Variants in AGBL1 observed in about 807,000 individuals in gnomAD.
AGBL1 encodes the protein cytosolic carboxypeptidase 4.
Under a neutral mutation model 118.9 loss-of-function variants are expected in AGBL1, and 130 were observed. The ratio of observed to expected loss-of-function variants is 1.09; its 90% CI spans 0.95 to 1.26. The LOEUF is 1.26. Ranked by LOEUF, AGBL1 falls within the 50% of genes most tolerant of loss-of-function variation. AGBL1 has a pLI of 0.00. For missense variants in AGBL1, 1,584 were observed against 1,298.1 expected, an observed-to-expected ratio of 1.22 and a Z score of -3.38; for synonymous variants, 555 against 478.9, an observed-to-expected ratio of 1.16 and a Z score of -2.08.
chr15:86,952,534 GTTTC>G (rs2141672641), intron 23 of AGBL1, among the ~76,000 whole-genome samples: 1 of 152,122 alleles, frequency 6.6e-6, no homozygotes, highest in East Asian at 1.9e-4. Context: ...AAATGAGGTT[GTTTC>G]TTTCTTGTTG....
intron 22 of AGBL1, among the ~76,000 whole-genome samples, chr15:86,817,133 CA>C (rs1002946925): frequency 6.6e-6 from 1 of 151,032 alleles, no homozygotes; most frequent in Non-Finnish European, 1.5e-5. Context: ...CTATAAAATA[CA>C]AAAAAAATTA....
chr15:86,648,627 G>T (rs768144160), intron 21 of AGBL1, among the ~76,000 whole-genome samples: 1 of 152,194 alleles, frequency 6.6e-6, no homozygotes, highest in East Asian at 1.9e-4. Flanking sequence ...CACCGGAAAG[G>T]TCTGGGCTGT....
At chr15:86,825,701 G>C (rs1262072581) in intron 22 of AGBL1, among the ~76,000 whole-genome samples, 1 of 132,300 alleles carries the variant, frequency 7.6e-6, no homozygotes, top group Admixed American at 7.7e-5. Context: ...GGGAGGGAGG[G>C]AGGGAGAAAG....
chr15:86,147,404 C>T (rs1254150016), intron 3 of AGBL1, among the ~76,000 whole-genome samples: 1 of 152,224 alleles, frequency 6.6e-6, no homozygotes, highest in Non-Finnish European at 1.5e-5. Flanking sequence ...GGGGCACTCT[C>T]ACTTAAATAC....
intron 23 of AGBL1, among the ~76,000 whole-genome samples, chr15:86,969,731 A>C (rs2081088850): frequency 6.6e-6 from 1 of 151,944 alleles, no homozygotes; most frequent in African/African-American, 2.4e-5. Context: ...TAGATTTCTG[A>C]ATATGTCATC....
At chr15:86,692,625 A>G (rs1054103775) in intron 22 of AGBL1, among the ~76,000 whole-genome samples, 1 of 151,994 alleles carries the variant, frequency 6.6e-6, no homozygotes, top group South Asian at 2.1e-4. Flanking sequence ...TTTTATTTCC[A>G]TTGATTTTGG....
At chr15:86,996,535 A>T (rs2141751950) in intron 24 of AGBL1, among the ~76,000 whole-genome samples, 1 of 152,290 alleles carries the variant, frequency 6.6e-6, no homozygotes, top group African/African-American at 2.4e-5. Flanking sequence ...CTGAGAGGTC[A>T]AAGCTGTAGT....
At chr15:86,283,983 T>C (rs1444174771) in intron 16 of AGBL1, among the ~76,000 whole-genome samples, 1 of 151,838 alleles carries the variant, frequency 6.6e-6, no homozygotes, top group African/African-American at 2.4e-5. Context: ...ATCTGTAAAA[T>C]TGGAAACAAA....
chr15:86,680,583 T>TG (rs2085936410), intron 22 of AGBL1, among the ~76,000 whole-genome samples: 1 of 146,816 alleles, frequency 6.8e-6, no homozygotes, highest in Non-Finnish European at 1.5e-5. Context: ...TTTTTTTTTT[T>TG]TTGAGATGGG....
chr15:86,567,200 T>G (rs2083929818), intron 21 of AGBL1, among the ~76,000 whole-genome samples: 1 of 152,218 alleles, frequency 6.6e-6, no homozygotes, highest in South Asian at 2.1e-4. Context: ...GGTCTAAGAT[T>G]AAGACTCTAA....
intron 22 of AGBL1, among the ~76,000 whole-genome samples, chr15:86,817,363 T>TA (rs2078874313): frequency 6.6e-6 from 1 of 151,226 alleles, no homozygotes; most frequent in Non-Finnish European, 1.5e-5. Flanking sequence ...CACATTTGTC[T>TA]ACACCAATGT....
intron 22 of AGBL1, among the ~76,000 whole-genome samples, chr15:86,865,789 T>C (rs568978604): frequency 1.3e-5 from 2 of 152,322 alleles, no homozygotes; most frequent in South Asian, 4.1e-4. Flanking sequence ...AGTCTATGTT[T>C]AGCCTATCTG....
intron 21 of AGBL1, among the ~76,000 whole-genome samples, chr15:86,610,865 T>C (rs2084645707): frequency 6.6e-6 from 1 of 152,278 alleles, no homozygotes; most frequent in African/African-American, 2.4e-5. Flanking sequence ...ATATTCACAC[T>C]GTCCTGTGCT....
chr15:86,744,164 C>T (rs560539073), intron 22 of AGBL1, among the ~76,000 whole-genome samples: 167 of 152,192 alleles, frequency 1.1e-3, no homozygotes, highest in Non-Finnish European at 2.2e-3. Flanking sequence ...CAATGACTAA[C>T]GGTTTCCTGC....
chr15:86,411,366 A>G (rs1381984812), intron 18 of AGBL1, among the ~76,000 whole-genome samples: 4 of 152,132 alleles, frequency 2.6e-5, no homozygotes, highest in Non-Finnish European at 5.9e-5. Flanking sequence ...TGCACCTCGA[A>G]GGCTGGCATT....
intron 6 of AGBL1, among the ~76,000 whole-genome samples, chr15:86,244,086 AATAT>A (rs529647160): frequency 4.0e-5 from 6 of 149,662 alleles, no homozygotes; most frequent in African/African-American, 1.5e-4. Flanking sequence ...TAAATAAATA[AATAT>A]ATATATAAGT....
intron 23 of AGBL1, among the ~76,000 whole-genome samples, chr15:86,937,449 A>C (rs984100178): frequency 6.6e-6 from 1 of 152,254 alleles, no homozygotes; most frequent in Non-Finnish European, 1.5e-5. Flanking sequence ...CATATACTCC[A>C]TGGAATACTA....
chr15:86,374,853 T>C (rs1010855570), intron 17 of AGBL1, among the ~76,000 whole-genome samples: 1 of 152,242 alleles, frequency 6.6e-6, no homozygotes, highest in Non-Finnish European at 1.5e-5. Flanking sequence ...CACTTAACTA[T>C]TCCCAGCCTC....
intron 22 of AGBL1, among the ~76,000 whole-genome samples, chr15:86,743,087 G>A (rs1045518956): frequency 2.6e-5 from 4 of 152,078 alleles, no homozygotes; most frequent in South Asian, 2.1e-4. Context: ...CCCAAGGAGC[G>A]TGGTCACAGC....
Sources: gnomAD v4.1 joint callset for allele counts (sites outside exome capture counted in the v4.1 genomes callset) on GRCh38, gnomAD v4.1.1 for gene constraint, MANE v1.5 for transcripts, NCBI Gene and HGNC (gene_info 2026-07-23, HGNC 2026-07-21) for gene names.